The following C9 variants were observed in gnomAD, a reference collection of about 807,000 sequenced individuals.
C9 encodes complement C9, also known as complement component C9.
C9 carries 63 observed loss-of-function variants against 65.4 expected under a neutral mutation model. The observed-to-expected ratio is 0.96, with a 90% confidence interval of 0.79 to 1.19. The LOEUF (loss-of-function observed/expected upper bound fraction) is 1.19, where lower values mean the gene tolerates loss of function less well. C9 is among the 50% of genes most tolerant of loss of function. C9 has a pLI of 0.00. For synonymous variants in C9, 229 were observed against 227.9 expected, an observed-to-expected ratio of 1.00 and a Z score of -0.04; for missense variants, 744 against 670.1, an observed-to-expected ratio of 1.11 and a Z score of -1.22.
intron 7 of C9, among the ~76,000 whole-genome samples, chr5:39,309,521 T>C (rs696135): frequency 0.017 from 2,599 of 152,196 alleles, 89 homozygotes; most frequent in African/African-American, 0.06. Flanking sequence ...AGGATAAAAA[T>C]CGAAGACAAT....
At chr5:39,342,255 G>A in intron 1 of C9, 59 bp from the exon 2 acceptor site, 3 of 922,122 alleles carry the variant, frequency 3.3e-6, no homozygotes, top group Non-Finnish European at 5.4e-6. Context: ...TTTCCAAGAA[G>A]TCTTCATAAA....
intron 1 of C9, among the ~76,000 whole-genome samples, chr5:39,345,878 A>G (rs1754183171): frequency 6.6e-6 from 1 of 152,170 alleles, no homozygotes; most frequent in South Asian, 2.1e-4. Flanking sequence ...ATTCAAAACC[A>G]CTCAACTACA....
intron 3 of C9, 89 bp downstream of exon 3, chr5:39,341,467 A>G: frequency 6.6e-7 from 1 of 1,520,470 alleles, no homozygotes; most frequent in Non-Finnish European, 9.1e-7. Flanking sequence ...TTGGAAATCC[A>G]AGTGTCCAGA....
At chr5:39,304,984 A>G (rs1209119708) in intron 9 of C9, among the ~76,000 whole-genome samples, 4 of 152,150 alleles carry the variant, frequency 2.6e-5, no homozygotes, top group Admixed American at 2.6e-4. Flanking sequence ...TCTTCAGAGA[A>G]CACTCTTGAA....
In C9 at chr5:39,335,597, G is replaced by A. The variant is rs556849734; in HGVS notation, c.477-3783C>T. ...AGAGATGATTTAAAGAGTACAGGAGGATGTACATAGGTATGTGCGAATACT... is the reference window on the plus strand; with the variant it reads ...AGAGATGATTTAAAGAGTACAGGAGAATGTACATAGGTATGTGCGAATACT... On this transcript the variant is annotated intron_variant, in intron 4 of 10. Coordinates refer to ENST00000263408, the MANE Select transcript of C9 (RefSeq NM_001737.5). Among the ~76,000 whole-genome samples, 4 of 152,340 alleles carry A rather than the reference G, an allele frequency of 2.6e-5. No individual in the cohort carries two copies. The South Asian group carries it at 8.3e-4, about 32-fold the overall frequency.
At chr5:39,329,287 C>G (rs563400844) in intron 5 of C9, among the ~76,000 whole-genome samples, 3 of 152,258 alleles carry the variant, frequency 2.0e-5, no homozygotes, top group African/African-American at 7.2e-5. Context: ...TTGGCTAAGT[C>G]TTTAACTAAT....
chr5:39,352,241 G>A (rs1261776890), intron 1 of C9, among the ~76,000 whole-genome samples: 2 of 152,202 alleles, frequency 1.3e-5, no homozygotes, highest in Non-Finnish European at 2.9e-5. Context: ...CACTATGCCT[G>A]TCCTTCAACA....
chr5:39,309,380 C>T (rs1753439053), intron 7 of C9, among the ~76,000 whole-genome samples: 1 of 152,026 alleles, frequency 6.6e-6, no homozygotes, highest in Non-Finnish European at 1.5e-5. Flanking sequence ...TGGGGTTCTA[C>T]AAGGAGTATC....
At chr5:39,307,370 C>T (rs1343871228) in intron 8 of C9, among the ~76,000 whole-genome samples, 1 of 152,120 alleles carries the variant, frequency 6.6e-6, no homozygotes, top group Non-Finnish European at 1.5e-5. Flanking sequence ...TTTTTGTCAT[C>T]CCCTCTTCAT....
At chr5:39,316,812 A>G (rs1348957376) in intron 5 of C9, among the ~76,000 whole-genome samples, 1 of 152,144 alleles carries the variant, frequency 6.6e-6, no homozygotes, top group Non-Finnish European at 1.5e-5. Flanking sequence ...GAACATATGC[A>G]TGCATGTATC....
In C9 at chr5:39,342,088, T is replaced by TA. The variant is rs1754097522; in HGVS notation, c.183+2dup. ...TCAGTGGGGAAGGGAGATGAACACT[T>TA]ACCATTTGTCTGAGACAAGGATCGC... On this transcript the variant is annotated splice_region_variant and intron_variant, in intron 2 of 10. Coordinates refer to ENST00000263408, the MANE Select transcript of C9 (RefSeq NM_001737.5). 6.6e-7 allele frequency: 1 copy of TA among 1,507,914 alleles called. No individual in the cohort carries two copies. The highest frequency in any genetic ancestry group is 9.2e-7 in the Non-Finnish European group (1 of 1,083,028). 93.4% of individuals were successfully genotyped at this position (1,507,914 alleles called of 1,614,324 possible).
At chr5:39,286,362 G>C (rs1338177208) in intron 10 of C9, among the ~76,000 whole-genome samples, 1 of 151,952 alleles carries the variant, frequency 6.6e-6, no homozygotes, top group East Asian at 1.9e-4. Flanking sequence ...ACTTAGCAGA[G>C]AATTGCACTG....
chr5:39,349,183 GA>G (rs5867457), intron 1 of C9, among the ~76,000 whole-genome samples: 10,048 of 143,880 alleles, frequency 0.07, 456 homozygotes, highest in African/African-American at 0.13. Context: ...AACAAAAAAG[GA>G]AAAAAAAAAA....
At chr5:39,305,213 G>A (rs1753353070) in intron 9 of C9, among the ~76,000 whole-genome samples, 1 of 151,970 alleles carries the variant, frequency 6.6e-6, no homozygotes, top group Admixed American at 6.6e-5. Context: ...TTCATACATG[G>A]AATTTCACCA....
At chr5:39,352,318 G>T (rs548381898) in intron 1 of C9, among the ~76,000 whole-genome samples, 1 of 152,298 alleles carries the variant, frequency 6.6e-6, no homozygotes, top group South Asian at 2.1e-4. Context: ...CAGACACCCA[G>T]AGATAAGTCA....
At chr5:39,349,312 T>C (rs1449619250) in intron 1 of C9, among the ~76,000 whole-genome samples, 4 of 152,124 alleles carry the variant, frequency 2.6e-5, no homozygotes, top group Non-Finnish European at 4.4e-5. Context: ...CTCTACTATC[T>C]CCTTTCCATT....
intron 10 of C9, among the ~76,000 whole-genome samples, chr5:39,286,664 T>A (rs944777261): frequency 3.3e-5 from 5 of 151,876 alleles, no homozygotes; most frequent in Middle Eastern, 3.4e-3. Flanking sequence ...TAGAGAGAAA[T>A]AGGTAGAAAA....
intron 1 of C9, among the ~76,000 whole-genome samples, chr5:39,359,624 G>A (rs1296857491): frequency 6.6e-6 from 1 of 152,162 alleles, no homozygotes; most frequent in Non-Finnish European, 1.5e-5. Context: ...AGGTATTGAT[G>A]CTGCAGGAGA....
At chr5:39,317,052 G>A (rs1173142888) in intron 5 of C9, among the ~76,000 whole-genome samples, 2 of 152,190 alleles carry the variant, frequency 1.3e-5, no homozygotes, top group African/African-American at 4.8e-5. Flanking sequence ...ACTGGTTTGA[G>A]ATGGTATCTC....
Sources: allele counts gnomAD v4.1 joint callset (sites outside exome capture counted in the v4.1 genomes callset), GRCh38; gene constraint gnomAD v4.1.1; transcripts MANE v1.5; gene names NCBI Gene and HGNC (gene_info 2026-07-23, HGNC 2026-07-21).